The following PDGFRL variants were observed in gnomAD, a reference collection of about 807,000 sequenced individuals.
The protein encoded by PDGFRL is platelet derived growth factor receptor like.
In PDGFRL, 46 loss-of-function variants were observed where a neutral mutation model predicts 37.2. That is an observed-to-expected ratio of 1.24 (90% confidence interval 0.98 to 1.58). The LOEUF is 1.58. Ranked by LOEUF, PDGFRL falls within the 40% of genes most tolerant of loss-of-function variation. PDGFRL has a pLI of 0.00. For missense variants in PDGFRL, 692 were observed against 467.6 expected (o/e 1.48, Z -4.43); for synonymous variants, 251 against 184.3 (o/e 1.36, Z -2.93).
chr8:17,638,186 A>T (rs1305857543), intron 5 of PDGFRL, among the ~76,000 whole-genome samples: 1 of 152,172 alleles, frequency 6.6e-6, no homozygotes, highest in Admixed American at 6.5e-5. Flanking sequence ...ATTTAATGCT[A>T]TGAACTTTCC....
At chr8:17,595,250 C>T (rs1804027036) in intron 2 of PDGFRL, among the ~76,000 whole-genome samples, 1 of 152,140 alleles carries the variant, frequency 6.6e-6, no homozygotes, top group Non-Finnish European at 1.5e-5. Context: ...CCTCCTTGCC[C>T]TCCCTCCCTG....
At chr8:17,591,669 A>G (rs542787920) in intron 2 of PDGFRL, among the ~76,000 whole-genome samples, 8 of 152,324 alleles carry the variant, frequency 5.3e-5, no homozygotes, top group East Asian at 1.9e-4. Context: ...TAATCCCAGC[A>G]CTTTGGGAGG....
At position 17,583,026 on chromosome 8, in the gene PDGFRL, C is replaced by T. The variant is rs535502635; in HGVS notation, c.55+5719C>T. Among the ~76,000 whole-genome samples the T allele has an allele frequency of 3.3e-5, 5 of 152,214 alleles. No homozygotes were observed. The East Asian group carries it at 7.7e-4, about 24-fold the overall frequency. ...AATAAGAGCAGAAGAGGCCAATAAG[C>T]AGAACAGAGAGGTTGCTCCAGAGGG... On this transcript the variant is annotated intron_variant, in intron 1 of 5. Transcript: ENST00000251630.
At chr8:17,580,260 G>T (rs3780116) in intron 1 of PDGFRL, among the ~76,000 whole-genome samples, 42,098 of 151,786 alleles carry the variant, frequency 0.28, 6,105 homozygotes, top group Middle Eastern at 0.39. Flanking sequence ...TAAGGACAGA[G>T]ACACAATGAC....
At chr8:17,587,534 TTTTCTTTC>T (rs540541949) in intron 1 of PDGFRL, among the ~76,000 whole-genome samples, 1 of 152,072 alleles carries the variant, frequency 6.6e-6, no homozygotes, top group Non-Finnish European at 1.5e-5. Flanking sequence ...AATGGTGGGC[TTTTCTTTC>T]TTTCTTTCTT....
chr8:17,616,106 G>C (rs527958053), intron 2 of PDGFRL, among the ~76,000 whole-genome samples: 1 of 152,236 alleles, frequency 6.6e-6, no homozygotes, highest in East Asian at 1.9e-4. Flanking sequence ...AGGTCATGGT[G>C]GAGCTGGGAT....
chr8:17,639,421 T>A (rs1357106565), intron 5 of PDGFRL, among the ~76,000 whole-genome samples: 1 of 152,180 alleles, frequency 6.6e-6, no homozygotes, highest in African/African-American at 2.4e-5. Flanking sequence ...TTTCAAGGAT[T>A]TGTTTCAATA....
chr8:17,588,492 C>T (rs184532470), intron 1 of PDGFRL, among the ~76,000 whole-genome samples: 18 of 138,192 alleles, frequency 1.3e-4, no homozygotes, highest in African/African-American at 3.8e-4. Flanking sequence ...GCTTGGGCAA[C>T]ATAGCAAGGC....
chr8:17,588,493 A>G (rs1187314571), intron 1 of PDGFRL, among the ~76,000 whole-genome samples: 1 of 136,270 alleles, frequency 7.3e-6, no homozygotes, highest in Non-Finnish European at 1.6e-5. Context: ...CTTGGGCAAC[A>G]TAGCAAGGCC....
At chr8:17,639,884 A>G (rs972289605) in intron 5 of PDGFRL, among the ~76,000 whole-genome samples, 1 of 152,298 alleles carries the variant, frequency 6.6e-6, no homozygotes, top group Non-Finnish European at 1.5e-5. Flanking sequence ...TCAAACTTTT[A>G]GATTTCTCCT....
intron 3 of PDGFRL, among the ~76,000 whole-genome samples, chr8:17,627,470 A>T (rs1330752508): frequency 2.7e-5 from 4 of 147,314 alleles, no homozygotes; most frequent in Admixed American, 6.7e-5. Flanking sequence ...ACCGATTGCA[A>T]TTTTTTTTTT....
chr8:17,621,431 T>G (rs1804632663), intron 3 of PDGFRL, among the ~76,000 whole-genome samples: 1 of 150,348 alleles, frequency 6.7e-6, no homozygotes, highest in African/African-American at 2.5e-5. Flanking sequence ...GATGGGAAAG[T>G]TGAGGTTTAG....
At chr8:17,586,256 A>G (rs1803814195) in intron 1 of PDGFRL, among the ~76,000 whole-genome samples, 1 of 152,126 alleles carries the variant, frequency 6.6e-6, no homozygotes, top group Non-Finnish European at 1.5e-5. Context: ...ACCCAGCTGG[A>G]GATGAGGTTT....
intron 2 of PDGFRL, among the ~76,000 whole-genome samples, chr8:17,606,594 C>T (rs1158842690): frequency 6.6e-6 from 1 of 152,140 alleles, no homozygotes; most frequent in African/African-American, 2.4e-5. Context: ...CCGTATTTCC[C>T]CAGAGATGGG....
At chr8:17,588,022 G>A (rs1200824553) in intron 1 of PDGFRL, among the ~76,000 whole-genome samples, 1 of 152,120 alleles carries the variant, frequency 6.6e-6, no homozygotes, top group Non-Finnish European at 1.5e-5. Flanking sequence ...CCCACCACAG[G>A]CAGAACAGTG....
chr8:17,606,729 C>A (rs913835073), intron 2 of PDGFRL, among the ~76,000 whole-genome samples: 2 of 151,926 alleles, frequency 1.3e-5, no homozygotes, highest in South Asian at 4.2e-4. Context: ...AATAATAGAA[C>A]GAGGCTCATT....
chr8:17,639,395 G>A (rs576617260), intron 5 of PDGFRL, among the ~76,000 whole-genome samples: 5 of 152,080 alleles, frequency 3.3e-5, no homozygotes, highest in African/African-American at 1.2e-4. Context: ...CTTTAAGAAG[G>A]TTCTATTTTG....
At chr8:17,577,975 C>G (rs1053067750) in intron 1 of PDGFRL, among the ~76,000 whole-genome samples, 5 of 151,828 alleles carry the variant, frequency 3.3e-5, no homozygotes, top group Admixed American at 1.3e-4. Flanking sequence ...GACCGCTGCG[C>G]GTTTTTGAAT....
chr8:17,631,374 G>C (rs139235108), intron 4 of PDGFRL, among the ~76,000 whole-genome samples: 2 of 152,056 alleles, frequency 1.3e-5, no homozygotes, highest in African/African-American at 2.4e-5. Context: ...CCACCCTGTC[G>C]GGGGGATCAG....
Sources: allele counts gnomAD v4.1 joint callset (sites outside exome capture counted in the v4.1 genomes callset), GRCh38; gene constraint gnomAD v4.1.1; transcripts MANE v1.5; gene names NCBI Gene and HGNC (gene_info 2026-07-23, HGNC 2026-07-21).